SI: variants seen among roughly 807,000 people sequenced by gnomAD.
The protein encoded by SI is sucrase-isomaltase.
A neutral mutation model predicts 253.3 loss-of-function variants in SI; 235 were observed. The observed-to-expected ratio is 0.93, with a 90% CI of 0.83 to 1.03. The LOEUF (loss-of-function observed/expected upper bound fraction) is 1.03, where lower values mean the gene tolerates loss of function less well. Among genes scored for constraint, SI ranks in the 50% least tolerant of loss-of-function variants. SI has a pLI of 0.00. For synonymous variants in SI, 819 were observed against 712.0 expected (o/e 1.15, Z -2.39); for missense variants, 2,442 against 2,211.1 (o/e 1.10, Z -2.09).
At chr3:165,080,673 G>T (rs1416885792), upstream of SI, among the ~76,000 whole-genome samples, 1 of 151,976 alleles carries the variant, frequency 6.6e-6, no homozygotes, top group South Asian at 2.1e-4. Context: ...AACACTGCAT[G>T]TTCTCACTCA....
In SI at chr3:165,019,635, AG is replaced by A. The variant is rs1559992250; in HGVS notation, c.3389del (p.Thr1130IlefsTer54). On this transcript the variant is annotated frameshift_variant, in exon 28 of 48. Transcript: ENST00000264382. LOFTEE classifies it high-confidence loss of function. ...GTTGGTCTCTTGTGAACATTCCCCA[AG>A]TATTCCAGTTCAGATCTCGCTTAAA... The part of the protein sequence containing the change: ...TAFKRDLNWN[T>X]WGMFTRDQPP... The A allele has an allele frequency of 1.2e-6, 2 of 1,612,610 alleles. No homozygotes were observed. Among genetic ancestry groups the A allele is most frequent in the East Asian group, 4.5e-5 (2 of 44,798 alleles).
chr3:165,058,192 G>A (rs1238808347), intron 12 of SI, among the ~76,000 whole-genome samples: 1 of 151,542 alleles, frequency 6.6e-6, no homozygotes, highest in Non-Finnish European at 1.5e-5. Flanking sequence ...ATGACCACTG[G>A]GTCAATGAAT....
At chr3:165,013,704 G>A (rs1462111557) in intron 33 of SI, among the ~76,000 whole-genome samples, 2 of 151,952 alleles carry the variant, frequency 1.3e-5, no homozygotes, top group African/African-American at 4.8e-5. Flanking sequence ...CCACCAAAAA[G>A]GAATTATTTA....
chr3:164,998,879 TA>T (rs1207938449), intron 37 of SI, among the ~76,000 whole-genome samples: 1 of 151,838 alleles, frequency 6.6e-6, no homozygotes, highest in Non-Finnish European at 1.5e-5. Context: ...TTCCAACATT[TA>T]CCAGAGTGAC....
chr3:164,991,060 G>A (rs928497268), intron 44 of SI, among the ~76,000 whole-genome samples: 3 of 152,086 alleles, frequency 2.0e-5, no homozygotes, highest in Admixed American at 6.6e-5. Context: ...TAAACCTGGG[G>A]TTCCTTATTT....
intron 15 of SI, among the ~76,000 whole-genome samples, chr3:165,047,307 T>G (rs1204052257): frequency 6.6e-6 from 1 of 152,034 alleles, no homozygotes; most frequent in Admixed American, 6.6e-5. Flanking sequence ...GCTCTCTCTT[T>G]GCCTGCTGCC....
Position 165,023,684 on chromosome 3 carries a change from T to G in SI, c.2985A>C (p.Ile995=). 1 of 1,610,946 alleles carries G rather than the reference T, an allele frequency of 6.2e-7. No homozygotes were observed. The change falls in exon 26 of 48, where the codon ATA becomes ATC. Residue 995 remains isoleucine (I), a synonymous_variant. Transcript: ENST00000264382. ...VNSARYSSMG[I]TADLQLNTAN... is the part of the protein sequence containing the mutation. ...CAGTATTTAGTTGGAGGTCAGCTGT[T>G]ATACCCATGGATGAATAGCGAGCTG...
At chr3:165,082,417 T>G (rs1312336478), upstream of SI, among the ~76,000 whole-genome samples, 1 of 151,936 alleles carries the variant, frequency 6.6e-6, no homozygotes, top group Admixed American at 6.6e-5. Context: ...ACCACCCACC[T>G]CTCACCACAA....
At chr3:164,993,801 G>T (rs534134019) in intron 41 of SI, among the ~76,000 whole-genome samples, 43 of 151,740 alleles carry the variant, frequency 2.8e-4, no homozygotes, top group Non-Finnish European at 7.4e-5. Flanking sequence ...GGATAATGTT[G>T]AAACTGTTCC....
At position 165,052,954 on chromosome 3, in the gene SI, C is replaced by T. The variant is rs539033918; in HGVS notation, c.1512+2240G>A. On this transcript the variant is annotated intron_variant, in intron 13 of 47. Transcript: ENST00000264382. The stretch of plus-strand genomic sequence containing the variant: ...TCCAAATACTATATATTAAATTATT[C>T]AGTTTTTTCATTGAATAATTTTGCT... Among the ~76,000 whole-genome samples the T allele has an allele frequency of 2.0e-4, 30 of 150,668 alleles. No individual in the cohort carries two copies. In the South Asian group the frequency reaches 5.0e-3, roughly 25 times the overall value.
chr3:165,061,597 G>T (rs1267262778), intron 9 of SI, among the ~76,000 whole-genome samples: 1 of 151,766 alleles, frequency 6.6e-6, no homozygotes, highest in Non-Finnish European at 1.5e-5. Context: ...ATGTCAAAAG[G>T]TATATCAAGA....
chr3:165,075,184 A>G (rs1288430625), intron 2 of SI, among the ~76,000 whole-genome samples: 1 of 151,984 alleles, frequency 6.6e-6, no homozygotes, highest in Non-Finnish European at 1.5e-5. Context: ...CATTCCAGCA[A>G]TGAGATATCA....
At chr3:165,076,122 A>G in intron 1 of SI, 110 bp from the exon 2 acceptor site, 1 of 731,524 alleles carries the variant, frequency 1.4e-6, no homozygotes, top group Non-Finnish European at 2.0e-6. Flanking sequence ...TATAATGCAG[A>G]GTTGAAGACA....
chr3:165,009,265 C>G lies in SI; in HGVS notation c.4179+14G>C. The G allele has an allele frequency of 6.6e-7, 1 of 1,513,188 alleles. No individual in the cohort carries two copies. Among genetic ancestry groups the G allele is most frequent in the Non-Finnish European group, 9.2e-7 (1 of 1,088,410 alleles). The allele number at this position is 1,513,188 out of a possible 1,614,324, so 93.7% of individuals were successfully genotyped here. ...TAAATAACTTAAAACATAGATTGTT[C>G]AAAGCTTACTTACAATCCACAAACC... On this transcript the variant is annotated intron_variant, in intron 35 of 47. Coordinates refer to ENST00000264382, the MANE Select transcript of SI (RefSeq NM_001041.4).
intron 37 of SI, among the ~76,000 whole-genome samples, chr3:165,002,780 A>T (rs1335905030): frequency 6.6e-6 from 1 of 151,818 alleles, no homozygotes; most frequent in Non-Finnish European, 1.5e-5. Flanking sequence ...AAATTAAAAT[A>T]TTAAGAAAGT....
At chr3:165,033,342 C>T in intron 23 of SI, 53 bp downstream of exon 23, 1 of 1,475,092 alleles carries the variant, frequency 6.8e-7, no homozygotes, top group Non-Finnish European at 9.1e-7. Flanking sequence ...AAAAGAATAA[C>T]CTAGGCATGA....
At chr3:165,038,088 G>T (rs1712626012) in intron 20 of SI, 64 bp from the exon 21 acceptor site, 8 of 1,408,978 alleles carry the variant, frequency 5.7e-6, no homozygotes, top group Non-Finnish European at 8.0e-6. Flanking sequence ...TATTTCACAA[G>T]AATTAAAAGG....
intron 31 of SI, among the ~76,000 whole-genome samples, 156 bp from the exon 32 acceptor site, chr3:165,016,236 A>C (rs1194711681): frequency 6.6e-6 from 1 of 152,178 alleles, no homozygotes; most frequent in East Asian, 1.9e-4. Context: ...TTCAAGGAAT[A>C]AAAGTAGCAT....
In SI at chr3:165,006,826, G is replaced by T. The variant is rs796683088; in HGVS notation, c.4396C>A (p.Pro1466Thr). ...CAGAACATTGCTTACTCATGAGTAGGTTTCATCTGTGACCATCCATAGAGA... is the reference window on the plus strand; with the variant it reads ...CAGAACATTGCTTACTCATGAGTAGTTTTCATCTGTGACCATCCATAGAGA... ...HNLYGWSQMKPTHDALQKTTG... is the reference protein window; with the variant it reads ...HNLYGWSQMKTTHDALQKTTG... The change falls in exon 37 of 48, where the codon CCT (proline) becomes ACT (threonine). Residue 1466 changes from proline to threonine, a missense_variant. By Grantham distance (38) the Pro-to-Thr change is conservative (BLOSUM62 -1). Coordinates refer to ENST00000264382, the MANE Select transcript of SI (RefSeq NM_001041.4). 14 of 1,612,366 alleles carry T rather than the reference G, an allele frequency of 8.7e-6. No individual in the cohort carries two copies. Among genetic ancestry groups the T allele is most frequent in the Admixed American group, 5.0e-5 (3 of 59,972 alleles).
Sources: gnomAD v4.1 joint callset for allele counts (sites outside exome capture counted in the v4.1 genomes callset) on GRCh38, gnomAD v4.1.1 for gene constraint, MANE v1.5 for transcripts, NCBI Gene and HGNC (gene_info 2026-07-23, HGNC 2026-07-21) for gene names.